Variants in DPY19L1 observed in about 807,000 individuals in gnomAD.
DPY19L1 encodes the protein dpy-19 like C-mannosyltransferase 1.
Under a neutral mutation model 96.9 loss-of-function variants are expected in DPY19L1, and 35 were observed. The ratio of observed to expected loss-of-function variants is 0.36; its 90% confidence interval spans 0.28 to 0.48. DPY19L1 has a LOEUF of 0.48. Among genes scored for constraint, DPY19L1 ranks in the 20% least tolerant of loss-of-function variants. DPY19L1 has a pLI of 0.99. For synonymous variants in DPY19L1, 205 were observed against 252.6 expected, an observed-to-expected ratio of 0.81 and a Z score of 1.79; for missense variants, 521 against 777.9, an observed-to-expected ratio of 0.67 and a Z score of 3.93.
chr7:35,024,772 C>T (rs1482645136), intron 1 of DPY19L1, among the ~76,000 whole-genome samples: 1 of 152,186 alleles, frequency 6.6e-6, no homozygotes. Context: ...TCCAGCTATC[C>T]TAGCTATAAT....
intron 4 of DPY19L1, 24 bp downstream of exon 4, chr7:35,013,544 T>A: frequency 6.2e-7 from 1 of 1,600,662 alleles, no homozygotes; most frequent in Non-Finnish European, 8.5e-7. Flanking sequence ...AAGTGAAAAA[T>A]CACAATTGGA....
At chr7:35,032,403 G>A (rs1786281210) in intron 1 of DPY19L1, among the ~76,000 whole-genome samples, 1 of 152,132 alleles carries the variant, frequency 6.6e-6, no homozygotes, top group South Asian at 2.1e-4. Context: ...GTGTCATGGT[G>A]AGGACTGAGT....
At chr7:34,982,946 CAGTTT>C (rs1210742100) in intron 7 of DPY19L1, among the ~76,000 whole-genome samples, 2 of 152,168 alleles carry the variant, frequency 1.3e-5, no homozygotes, top group Admixed American at 6.5e-5. Flanking sequence ...AACCCCTTCC[CAGTTT>C]AAAGAATGGT....
chr7:35,000,888 A>T (rs1785409813), intron 6 of DPY19L1, among the ~76,000 whole-genome samples: 1 of 152,252 alleles, frequency 6.6e-6, no homozygotes, highest in Admixed American at 6.5e-5. Context: ...CAGGATCTTT[A>T]AACAAAAATT....
At chr7:35,006,654 TAAA>T (rs149215494) in intron 6 of DPY19L1, among the ~76,000 whole-genome samples, 1,858 of 152,236 alleles carry the variant, frequency 0.012, 21 homozygotes, top group Non-Finnish European at 0.02. Flanking sequence ...AAAAAAATAC[TAAA>T]ATACTGAGAA....
At chr7:35,021,875 T>C (rs1405030540) in intron 1 of DPY19L1, among the ~76,000 whole-genome samples, 3 of 152,218 alleles carry the variant, frequency 2.0e-5, no homozygotes, top group Non-Finnish European at 4.4e-5. Context: ...TCTGTTGATA[T>C]AGGAAGTATA....
chr7:34,963,095 T>C (rs1562808119), intron 10 of DPY19L1, among the ~76,000 whole-genome samples: 2 of 148,798 alleles, frequency 1.3e-5, no homozygotes, highest in Admixed American at 1.4e-4. Context: ...CTCGGAAGGC[T>C]GAGGCAGGAG....
intron 1 of DPY19L1, among the ~76,000 whole-genome samples, chr7:35,024,348 G>A (rs1448010518): frequency 6.6e-6 from 1 of 152,152 alleles, no homozygotes; most frequent in Non-Finnish European, 1.5e-5. Context: ...AATCAAGCTT[G>A]ACAAGTTCTA....
chr7:34,982,163 T>C (rs1456517120), intron 7 of DPY19L1, among the ~76,000 whole-genome samples: 1 of 152,156 alleles, frequency 6.6e-6, no homozygotes, highest in African/African-American at 2.4e-5. Context: ...AGATTCTGGA[T>C]CCAAAATAAA....
intron 11 of DPY19L1, among the ~76,000 whole-genome samples, chr7:34,957,335 A>C (rs572613612): frequency 1.3e-5 from 2 of 152,270 alleles, no homozygotes; most frequent in East Asian, 3.9e-4. Flanking sequence ...AGATTGCGCC[A>C]TTGCACTCCA....
chr7:35,018,026 T>A (rs1785902588), intron 2 of DPY19L1, 57 bp from the exon 3 acceptor site: 1 of 1,289,948 alleles, frequency 7.8e-7, no homozygotes, highest in Admixed American at 2.4e-5. Context: ...TATTATTTTT[T>A]AAAGTAAGCT....
At chr7:34,979,049 A>T (rs561133396) in intron 7 of DPY19L1, among the ~76,000 whole-genome samples, 4 of 152,110 alleles carry the variant, frequency 2.6e-5, no homozygotes, top group Non-Finnish European at 5.9e-5. Context: ...TTTATAAAGA[A>T]TTTCAGCTGG....
At chr7:35,030,758 C>G (rs1478245802) in intron 1 of DPY19L1, among the ~76,000 whole-genome samples, 1 of 152,116 alleles carries the variant, frequency 6.6e-6, no homozygotes, top group Non-Finnish European at 1.5e-5. Flanking sequence ...TTTATGTATT[C>G]TGAAAATAAA....
intron 6 of DPY19L1, among the ~76,000 whole-genome samples, chr7:34,995,077 G>C (rs1448726529): frequency 1.3e-5 from 2 of 152,136 alleles, no homozygotes; most frequent in Non-Finnish European, 2.9e-5. Flanking sequence ...CAAAGCTAGA[G>C]GAGGAGAATA....
At chr7:34,967,105 CAATT>C in intron 9 of DPY19L1, 134 bp from the exon 10 acceptor site, 2 of 562,270 alleles carry the variant, frequency 3.6e-6, no homozygotes, top group South Asian at 6.3e-5. Context: ...TTTTATCTGA[CAATT>C]TATTATTAAA....
At chr7:34,940,044 G>C (rs551633729) in intron 19 of DPY19L1, 109 bp downstream of exon 19, 2 of 964,276 alleles carry the variant, frequency 2.1e-6, no homozygotes, top group East Asian at 5.6e-5. Flanking sequence ...TGCATAGAAA[G>C]AGTGAGATCA....
chr7:34,968,175 C>T (rs1784649862), intron 9 of DPY19L1, among the ~76,000 whole-genome samples: 1 of 151,860 alleles, frequency 6.6e-6, no homozygotes, highest in Non-Finnish European at 1.5e-5. Flanking sequence ...AAGGAGTCTA[C>T]AAGACAAGAT....
intron 13 of DPY19L1, among the ~76,000 whole-genome samples, chr7:34,951,367 G>T (rs1246897249): frequency 6.6e-6 from 1 of 151,884 alleles, no homozygotes; most frequent in African/African-American, 2.4e-5. Flanking sequence ...AAATATTTTT[G>T]AATATTCACA....
At chr7:34,970,279 A>G (rs184848475) in intron 8 of DPY19L1, among the ~76,000 whole-genome samples, 4 of 152,304 alleles carry the variant, frequency 2.6e-5, no homozygotes, top group Admixed American at 2.6e-4. Context: ...TGGAGCATAG[A>G]GCACCATTAT....
Sources: gnomAD v4.1 joint callset for allele counts (sites outside exome capture counted in the v4.1 genomes callset) on GRCh38, gnomAD v4.1.1 for gene constraint, MANE v1.5 for transcripts, NCBI Gene and HGNC (gene_info 2026-07-23, HGNC 2026-07-21) for gene names.